Variants in KALRN observed in about 807,000 individuals in gnomAD.
The protein encoded by KALRN is kalirin RhoGEF kinase, also known as kalirin.
In KALRN, 70 loss-of-function variants were observed where a neutral mutation model predicts 353.7. The ratio of observed to expected loss-of-function variants is 0.20; its 90% CI spans 0.16 to 0.24. The LOEUF (loss-of-function observed/expected upper bound fraction) is 0.24, where lower values mean the gene tolerates loss of function less well. KALRN is among the 10% of genes least tolerant of loss of function. The pLI is 1.00. For synonymous variants in KALRN, 1,391 were observed against 1,434.8 expected (o/e 0.97, Z 0.69); for missense variants, 2,791 against 3,756.7 (o/e 0.74, Z 6.72).
At chr3:124,163,743 G>A in intron 1 of KALRN, 1 of 985,370 alleles carries the variant, frequency 1.0e-6, no homozygotes, top group Non-Finnish European at 1.2e-6. Context: ...CTCACTACAG[G>A]CTTGCTCTGA....
chr3:124,445,927 G>A (rs779468082), intron 19 of KALRN, among the ~76,000 whole-genome samples: 8 of 152,212 alleles, frequency 5.3e-5, no homozygotes, highest in Non-Finnish European at 2.9e-5. Context: ...TCCCACCTTA[G>A]TTGATGGAAC....
chr3:124,551,874 T>C (rs2070581552), intron 33 of KALRN, among the ~76,000 whole-genome samples: 1 of 152,240 alleles, frequency 6.6e-6, no homozygotes, highest in Non-Finnish European at 1.5e-5. Flanking sequence ...AGCAGCTGGC[T>C]GGTGAAGAAG....
chr3:124,615,580 T>G (rs1229739948), intron 34 of KALRN, among the ~76,000 whole-genome samples: 1 of 152,218 alleles, frequency 6.6e-6, no homozygotes, highest in Non-Finnish European at 1.5e-5. Context: ...TGGAGGAATC[T>G]GAGTAAAGAG....
intron 58 of KALRN, among the ~76,000 whole-genome samples, chr3:124,714,785 G>A (rs2063055708): frequency 6.6e-6 from 1 of 152,216 alleles, no homozygotes. Context: ...AGAGGCCGAG[G>A]TGGGCGGATC....
intron 34 of KALRN, among the ~76,000 whole-genome samples, chr3:124,622,881 T>C (rs1274893504): frequency 6.6e-6 from 1 of 152,148 alleles, no homozygotes; most frequent in African/African-American, 2.4e-5. Context: ...TGTGTTCTGA[T>C]TTCAGAATCG....
chr3:124,188,359 G>T (rs543097579), intron 1 of KALRN, among the ~76,000 whole-genome samples: 43 of 152,264 alleles, frequency 2.8e-4, no homozygotes, highest in African/African-American at 1.0e-3. Flanking sequence ...TAGTCATGAG[G>T]GGTGCGCAAG....
At chr3:124,660,382 A>G (rs2084687590) in intron 43 of KALRN, among the ~76,000 whole-genome samples, 1 of 151,896 alleles carries the variant, frequency 6.6e-6, no homozygotes, top group Admixed American at 6.6e-5. Flanking sequence ...TCCTTCTCCC[A>G]TAGCTTTGAA....
Position 124,343,700 on chromosome 3 carries a change from C to A in KALRN, c.1648-3443C>A, listed in dbSNP as rs376062904. 7.3e-4 allele frequency among the ~76,000 whole-genome samples: 111 copies of A among 152,338 alleles called. 4 individuals carry two copies. The South Asian group carries it at 0.022, about 31-fold the overall frequency. ...CTCAGATCTCAGCTAAACCTCACTT[C>A]TCCTGAGAAACCTTCCGTGACTCCC... On this transcript the variant is annotated intron_variant, in intron 9 of 59. Transcript: ENST00000682506.
intron 1 of KALRN, among the ~76,000 whole-genome samples, chr3:124,124,085 A>G (rs1284862456): frequency 2.0e-5 from 3 of 152,198 alleles, no homozygotes; most frequent in African/African-American, 7.2e-5. Context: ...TATTGCTGCC[A>G]TAGATAGTGA....
At chr3:124,717,854 G>A (rs563668241) in intron 59 of KALRN, among the ~76,000 whole-genome samples, 13 of 151,938 alleles carry the variant, frequency 8.6e-5, no homozygotes, top group South Asian at 2.1e-4. Flanking sequence ...CTCTGTTGCC[G>A]AGGCTGAAGT....
rs187819899 is a variant in KALRN at position 124,212,351 on chromosome 3, T to A, written c.74-15639T>A. On this transcript the variant is annotated intron_variant, in intron 1 of 59. Coordinates refer to ENST00000682506, the MANE Select transcript of KALRN (RefSeq NM_001388419.1). ...AAAGTTGAGTCTCAGCAATCTGATA[T>A]GATTTAGCCTAACCTATATAGTGTG... 6.6e-3 allele frequency among the ~76,000 whole-genome samples: 998 copies of A among 152,260 alleles called. 4 individuals carry two copies. The highest frequency in any genetic ancestry group is 9.4e-3 in the Non-Finnish European group (641 of 67,994).
At chr3:124,342,516 T>C (rs777508131) in intron 9 of KALRN, among the ~76,000 whole-genome samples, 49 of 152,344 alleles carry the variant, frequency 3.2e-4, no homozygotes, top group Admixed American at 8.5e-4. Flanking sequence ...CTGAATAGTA[T>C]TCCATTGTTG....
intron 37 of KALRN, among the ~76,000 whole-genome samples, chr3:124,642,806 G>GTTTTTGTTGTTGTTGTTGTTTTTTT (rs2082197606): frequency 1.0e-5 from 1 of 96,840 alleles, no homozygotes; most frequent in Non-Finnish European, 1.9e-5. Context: ...CCCAAGCCTC[G>GTTTTTGTTGTTGTTGTTGTTTTTTT]TTTTTTTTTT....
At chr3:124,223,304 C>T (rs1214838979) in intron 1 of KALRN, among the ~76,000 whole-genome samples, 2 of 152,086 alleles carry the variant, frequency 1.3e-5, no homozygotes, top group South Asian at 4.1e-4. Context: ...TAACTAGGGT[C>T]CAGCCAAATG....
chr3:124,301,423 C>T (rs1160162087), intron 6 of KALRN, among the ~76,000 whole-genome samples: 1 of 152,156 alleles, frequency 6.6e-6, no homozygotes, highest in Admixed American at 6.5e-5. Flanking sequence ...CTTGTAGCCT[C>T]CCTCACTGTG....
At chr3:124,501,785 T>C (rs181912384) in intron 33 of KALRN, among the ~76,000 whole-genome samples, 1 of 152,186 alleles carries the variant, frequency 6.6e-6, no homozygotes, top group Non-Finnish European at 1.5e-5. Context: ...GTTCATGAAC[T>C]GTGCAGAGGC....
At chr3:124,088,847 C>T (rs1330390841) in intron 1 of KALRN, among the ~76,000 whole-genome samples, 4 of 151,910 alleles carry the variant, frequency 2.6e-5, no homozygotes, top group South Asian at 2.1e-4. Flanking sequence ...AAGTGATCTT[C>T]GCAACTAGTT....
intron 15 of KALRN, among the ~76,000 whole-genome samples, chr3:124,424,155 G>A (rs138202817): frequency 0.011 from 1,606 of 152,092 alleles, 29 homozygotes; most frequent in African/African-American, 0.037. Context: ...CACAGGTCCC[G>A]GGGGGGTTCC....
At chr3:124,603,223 A>C (rs904910368) in intron 34 of KALRN, among the ~76,000 whole-genome samples, 4 of 152,176 alleles carry the variant, frequency 2.6e-5, no homozygotes, top group African/African-American at 9.7e-5. Flanking sequence ...GACTGTGATT[A>C]TCTTTAACCA....
Sources: allele counts gnomAD v4.1 joint callset (sites outside exome capture counted in the v4.1 genomes callset), GRCh38; gene constraint gnomAD v4.1.1; transcripts MANE v1.5; gene names NCBI Gene and HGNC (gene_info 2026-07-23, HGNC 2026-07-21).